Variants in TES observed in about 807,000 individuals in gnomAD.
The protein encoded by TES is testin.
Under a neutral mutation model 48.2 loss-of-function variants are expected in TES, and 41 were observed. The ratio of observed to expected loss-of-function variants is 0.85; its 90% CI spans 0.66 to 1.10. The LOEUF (loss-of-function observed/expected upper bound fraction) is 1.10, where lower values mean the gene tolerates loss of function less well. Ranked by LOEUF, TES falls within the 50% of genes least tolerant of loss-of-function variation. The pLI, the probability that TES is intolerant of heterozygous loss-of-function variation, is 0.00. For missense variants in TES, 463 were observed against 515.1 expected (o/e 0.90, Z 0.98); for synonymous variants, 162 against 174.9 (o/e 0.93, Z 0.58).
At chr7:116,231,036 TA>T (rs1799693314) in intron 1 of TES, among the ~76,000 whole-genome samples, 2 of 152,208 alleles carry the variant, frequency 1.3e-5, no homozygotes, top group South Asian at 4.1e-4. Context: ...GGGCAGAAAT[TA>T]GCTAGTGACT....
intron 6 of TES, among the ~76,000 whole-genome samples, chr7:116,254,279 G>A (rs1800061537): frequency 6.6e-6 from 1 of 151,756 alleles, no homozygotes; most frequent in African/African-American, 2.4e-5. Context: ...GACAACATAG[G>A]TGCTCAATAA....
chr7:116,221,335 G>T lies in TES; in HGVS notation c.27+10601G>T, dbSNP rs1218610325. Among the ~76,000 whole-genome samples the T allele has an allele frequency of 2.6e-5, 4 of 152,278 alleles. No individual in the cohort carries two copies. In the South Asian group the frequency reaches 8.3e-4, roughly 32 times the overall value. ...AAAGCACTTGATTGAACACTGCAACGTATTGTGGTCCCGTATAGGGAATTG... is the reference window on the plus strand; with the variant it reads ...AAAGCACTTGATTGAACACTGCAACTTATTGTGGTCCCGTATAGGGAATTG... On this transcript the variant is annotated intron_variant, in intron 1 of 6. Transcript: ENST00000358204.
chr7:116,234,961 T>C (rs77923020), intron 2 of TES, among the ~76,000 whole-genome samples: 6 of 152,226 alleles, frequency 3.9e-5, no homozygotes, highest in Non-Finnish European at 7.3e-5. Context: ...TACTTTTTTT[T>C]TGAGACGAAG....
intron 2 of TES, chr7:116,239,341 A>ACATAATC (rs1186590415): frequency 6.6e-6 from 1 of 152,216 alleles, no homozygotes; most frequent in Non-Finnish European, 1.5e-5. Context: ...TATAAAAGTA[A>ACATAATC]CATAATCATG....
At chr7:116,210,953 A>G in intron 1 of TES, 1 of 350,578 alleles carries the variant, frequency 2.9e-6, no homozygotes, top group Non-Finnish European at 5.2e-6. Flanking sequence ...CAGAATTGGA[A>G]GCGCGAGCGA....
intron 1 of TES, among the ~76,000 whole-genome samples, chr7:116,220,711 T>C (rs1799545512): frequency 6.6e-6 from 1 of 152,128 alleles, no homozygotes; most frequent in African/African-American, 2.4e-5. Flanking sequence ...TGCATTAAAG[T>C]TGGGTATCAG....
chr7:116,217,493 A>G (rs1158742739), intron 1 of TES, among the ~76,000 whole-genome samples: 1 of 152,158 alleles, frequency 6.6e-6, no homozygotes, highest in African/African-American at 2.4e-5. Flanking sequence ...AACCAAAATT[A>G]TGATTTTAAA....
chr7:116,217,622 A>C, intron 1 of TES: 1 of 268,752 alleles, frequency 3.7e-6, no homozygotes, highest in South Asian at 3.9e-5. Context: ...GAGGAAGATA[A>C]GGAAACAAAA....
In TES at chr7:116,257,484, A is replaced by G. The variant is rs1205434022; in HGVS notation, c.*2A>G. ...GAATGTAAGAAGAGGATGTCTTAGG[A>G]GGAGGGCACCCAGAAGTATCGAGCC... On this transcript the variant is annotated 3_prime_UTR_variant, in exon 7 of 7. Transcript: ENST00000358204. 7 of 1,601,044 alleles carry G rather than the reference A, an allele frequency of 4.4e-6. No homozygotes were observed. The highest frequency in any genetic ancestry group is 5.1e-6 in the Non-Finnish European group (6 of 1,173,034).
At chr7:116,212,354 A>G (rs867692914) in intron 1 of TES, among the ~76,000 whole-genome samples, 2 of 152,228 alleles carry the variant, frequency 1.3e-5, no homozygotes, top group African/African-American at 2.4e-5. Context: ...ATCAAAATCC[A>G]TAGAATGTAG....
At chr7:116,250,054 G>C in intron 3 of TES, 107 bp from the exon 4 acceptor site, 2 of 918,612 alleles carry the variant, frequency 2.2e-6, no homozygotes, top group Non-Finnish European at 3.1e-6. Context: ...TGCTGCTATT[G>C]GATAGAACCC....
chr7:116,213,716 A>G (rs1400172931), intron 1 of TES, among the ~76,000 whole-genome samples: 1 of 152,228 alleles, frequency 6.6e-6, no homozygotes, highest in African/African-American at 2.4e-5. Context: ...TTGGTTATAC[A>G]AAGTTTTTGT....
intron 6 of TES, 132 bp downstream of exon 6, chr7:116,252,608 A>G: frequency 7.7e-7 from 1 of 1,293,062 alleles, no homozygotes; most frequent in Non-Finnish European, 1.1e-6. Flanking sequence ...TTCCTACCAC[A>G]GGGTGTTAAA....
In TES at chr7:116,252,353, C is replaced by T. The variant is rs1000800055; in HGVS notation, c.954C>T (p.Asn318=). 6.2e-7 allele frequency: 1 copy of T among 1,613,454 alleles called. No individual in the cohort carries two copies. Among genetic ancestry groups the T allele is most frequent in the African/African-American group, 1.3e-5 (1 of 74,892 alleles). The change falls in exon 6 of 7, where the codon AAC becomes AAT. Residue 318 remains asparagine, a synonymous_variant. Coordinates refer to ENST00000358204, the MANE Select transcript of TES (RefSeq NM_015641.4). ...GCAATGAGTATACCCAGGCAGAAAACCAGAATTGGCACCTGAAACACTTCT... is the reference window on the plus strand; with the variant it reads ...GCAATGAGTATACCCAGGCAGAAAATCAGAATTGGCACCTGAAACACTTCT... ...IFSNEYTQAE[N]QNWHLKHFCC...
rs948846498 is a variant in TES, at chr7:116,257,294, G to T, written c.1078G>T (p.Val360Leu). The change falls in exon 7 of 7, where the codon GTG becomes TTG. Residue 360 changes from valine (V) to leucine (L), a missense_variant and splice_region_variant. Physicochemically the swap from Val to Leu is conservative, Grantham distance 32. Transcript: ENST00000358204. Reference protein sequence around the residue: ...KPCYVKNHAVVCQGCHNAIDP... With the variant: ...KPCYVKNHAVLCQGCHNAIDP... ...CTTCTCTTGTATTATTTCTTAATAG[G>T]TGTGTCAAGGATGCCACAATGCCAT... The T allele has an allele frequency of 6.2e-7, 1 of 1,604,268 alleles. No homozygotes were observed. The highest frequency in any genetic ancestry group is 8.5e-7 in the Non-Finnish European group (1 of 1,175,256).
At chr7:116,227,549 C>T (rs1250491834) in intron 1 of TES, among the ~76,000 whole-genome samples, 11 of 152,152 alleles carry the variant, frequency 7.2e-5, no homozygotes, top group Admixed American at 7.2e-4. Context: ...GGGGACTTCA[C>T]AGATCACACT....
intron 2 of TES, among the ~76,000 whole-genome samples, chr7:116,248,553 T>A (rs554727820): frequency 5.1e-4 from 78 of 152,336 alleles, no homozygotes; most frequent in Middle Eastern, 3.4e-3. Flanking sequence ...ATTGAGCATG[T>A]TTTCATATAT....
chr7:116,240,453 T>TTC (rs1000483979), intron 2 of TES, among the ~76,000 whole-genome samples: 32 of 151,968 alleles, frequency 2.1e-4, no homozygotes, highest in Non-Finnish European at 3.4e-4. Context: ...GGCTCGCTCT[T>TTC]TCTCTCTCTC....
intron 2 of TES, among the ~76,000 whole-genome samples, chr7:116,237,612 A>G (rs1214288371): frequency 1.3e-5 from 2 of 152,186 alleles, no homozygotes; most frequent in South Asian, 2.1e-4. Context: ...TCTCAGCTCA[A>G]GAAATACCTC....
Sources: gnomAD v4.1 joint callset for allele counts (sites outside exome capture counted in the v4.1 genomes callset) on GRCh38, gnomAD v4.1.1 for gene constraint, MANE v1.5 for transcripts, NCBI Gene and HGNC (gene_info 2026-07-23, HGNC 2026-07-21) for gene names.